LRMDA: variants seen among roughly 807,000 people sequenced by gnomAD.
LRMDA encodes the protein leucine-rich melanocyte differentiation-associated protein.
Under a neutral mutation model 29.8 loss-of-function variants are expected in LRMDA, and 18 were observed. The observed-to-expected ratio is 0.60, with a 90% CI of 0.42 to 0.90. LRMDA has a LOEUF of 0.90. Ranked by LOEUF, LRMDA falls within the 40% of genes least tolerant of loss-of-function variation. The probability of loss-of-function intolerance (pLI) is 0.00; values close to 1 mark genes in which losing one functional copy is unlikely to be tolerated. For synonymous variants in LRMDA, 125 were observed against 109.4 expected, an observed-to-expected ratio of 1.14 and a Z score of -0.89; for missense variants, 273 against 273.9, an observed-to-expected ratio of 1.00 and a Z score of 0.02.
At chr10:76,123,856 G>A (rs1210387036) in intron 5 of LRMDA, among the ~76,000 whole-genome samples, 2 of 152,144 alleles carry the variant, frequency 1.3e-5, no homozygotes, top group South Asian at 2.1e-4. Flanking sequence ...CCATGTTAGG[G>A]GATGCGGCAA....
chr10:76,501,342 C>T (rs1420231278), intron 6 of LRMDA, among the ~76,000 whole-genome samples: 1 of 151,940 alleles, frequency 6.6e-6, no homozygotes, highest in African/African-American at 2.4e-5. Context: ...CATTCAAGTA[C>T]ATGTGTCTTT....
At position 76,161,749 on chromosome 10, in the gene LRMDA, A is replaced by C. The variant is rs532548952; in HGVS notation, c.516+102966A>C. ...TCTTTTAACAGGACAGAGGAGGATG[A>C]AGGGGAACAAGATAGACCTAGATGT... On this transcript the variant is annotated intron_variant, in intron 5 of 6. Transcript: ENST00000611255. Among the ~76,000 whole-genome samples the C allele has an allele frequency of 9.8e-5, 15 of 152,300 alleles. No homozygotes were observed. In the South Asian group the frequency reaches 1.2e-3, roughly 13 times the overall value.
At chr10:76,085,689 G>A (rs1440101027) in intron 5 of LRMDA, among the ~76,000 whole-genome samples, 1 of 152,146 alleles carries the variant, frequency 6.6e-6, no homozygotes, top group Non-Finnish European at 1.5e-5. Flanking sequence ...GTGGGATGTT[G>A]GTCTGCCTGG....
intron 2 of LRMDA, among the ~76,000 whole-genome samples, chr10:75,976,138 C>A (rs949463454): frequency 6.6e-6 from 1 of 152,258 alleles, no homozygotes; most frequent in Non-Finnish European, 1.5e-5. Flanking sequence ...AAGGCCTGGT[C>A]TGGTCTGGTC....
chr10:75,744,632 C>T (rs898504562), intron 2 of LRMDA, among the ~76,000 whole-genome samples: 4 of 152,098 alleles, frequency 2.6e-5, no homozygotes, highest in Non-Finnish European at 4.4e-5. Flanking sequence ...AAGGAGGGGA[C>T]TTATTTAGGG....
At chr10:75,519,912 G>A (rs1845336660) in intron 2 of LRMDA, among the ~76,000 whole-genome samples, 1 of 152,120 alleles carries the variant, frequency 6.6e-6, no homozygotes, top group South Asian at 2.1e-4. Flanking sequence ...TGTCTATTAA[G>A]GATTTTATTT....
In LRMDA at chr10:76,557,533, T is replaced by G; in HGVS notation, c.*245T>G. On this transcript the variant is annotated 3_prime_UTR_variant, in exon 7 of 7. Transcript: ENST00000611255. ...CTTAAGCAGGTCTCATCCACCAGGG[T>G]GACAGACAGCGGTGGCAAAGCAACA... 1 of 552,182 alleles carries G rather than the reference T, an allele frequency of 1.8e-6. No homozygotes were observed. The highest frequency in any genetic ancestry group is 3.2e-6 in the Non-Finnish European group (1 of 309,868). 34.2% of individuals were successfully genotyped at this position (552,182 alleles called of 1,614,324 possible).
At chr10:76,096,959 A>AT (rs528474182) in intron 5 of LRMDA, among the ~76,000 whole-genome samples, 102 of 148,936 alleles carry the variant, frequency 6.8e-4, no homozygotes, top group South Asian at 3.9e-3. Flanking sequence ...GTAAATTGAG[A>AT]TTTTTTTTTT....
rs1025506490 is a variant in LRMDA, at chr10:75,855,577, C to G, written c.132-180431C>G. Among the ~76,000 whole-genome samples, 8 of 152,182 alleles carry G rather than the reference C, an allele frequency of 5.3e-5. No individual in the cohort carries two copies. In the South Asian group the frequency reaches 6.2e-4, roughly 12 times the overall value. ...GAAGCTCTTGAGTTTAATTAGATCC[C>G]ATCTGTCAATTTTGGCTTTTGTTTC... On this transcript the variant is annotated intron_variant, in intron 2 of 6. Coordinates refer to ENST00000611255, the MANE Select transcript of LRMDA (RefSeq NM_001305581.2).
At position 75,690,994 on chromosome 10, in the gene LRMDA, T is replaced by TACACACACACAC. The variant is rs3041682; in HGVS notation, c.131+252524_131+252535dup. On this transcript the variant is annotated intron_variant, in intron 2 of 6. Transcript: ENST00000611255. ...TAAAAAAAAAATATATATATATATA[T>TACACACACACAC]ACACACACACACACACACACACACA... is the stretch of plus-strand genomic sequence containing the variant. Among the ~76,000 whole-genome samples, 70 of 100,050 alleles carry TACACACACACAC rather than the reference T, an allele frequency of 7.0e-4. No individual in the cohort carries two copies. The East Asian group carries it at 0.014, about 20-fold the overall frequency. The allele number at this position is 100,050 out of a possible 152,430, so 65.6% of individuals were successfully genotyped here.
chr10:76,378,335 G>A (rs1841546232), intron 6 of LRMDA, among the ~76,000 whole-genome samples: 1 of 151,964 alleles, frequency 6.6e-6, no homozygotes. Flanking sequence ...AGAAAACAGA[G>A]ATAATTTGAC....
At chr10:76,345,114 T>G in intron 6 of LRMDA, among the ~76,000 whole-genome samples, 1 of 133,822 alleles carries the variant, frequency 7.5e-6, no homozygotes, top group Non-Finnish European at 1.5e-5. Flanking sequence ...TCGCCCAGGC[T>G]GGAGTGCAGT....
intron 2 of LRMDA, among the ~76,000 whole-genome samples, chr10:75,905,978 T>A (rs539250730): frequency 6.6e-6 from 1 of 151,480 alleles, no homozygotes; most frequent in African/African-American, 2.4e-5. Flanking sequence ...TGTTCTCTAG[T>A]CTCTTCCTAA....
intron 2 of LRMDA, among the ~76,000 whole-genome samples, chr10:75,934,669 G>C (rs901305417): frequency 1.3e-5 from 2 of 152,078 alleles, no homozygotes; most frequent in Non-Finnish European, 2.9e-5. Context: ...GGTACCACTC[G>C]GCCAGCAGGA....
chr10:76,539,195 CA>C (rs1843325933), intron 6 of LRMDA, among the ~76,000 whole-genome samples: 1 of 151,914 alleles, frequency 6.6e-6, no homozygotes, highest in South Asian at 2.1e-4. Flanking sequence ...ATAGAAACCC[CA>C]AGGAAGGCAA....
intron 6 of LRMDA, among the ~76,000 whole-genome samples, chr10:76,418,140 G>A (rs948049031): frequency 2.0e-5 from 3 of 152,016 alleles, no homozygotes; most frequent in Non-Finnish European, 4.4e-5. Context: ...AGAATCATAT[G>A]TGTCCTAATA....
At chr10:76,366,964 C>T (rs778687898) in intron 6 of LRMDA, among the ~76,000 whole-genome samples, 5 of 152,040 alleles carry the variant, frequency 3.3e-5, no homozygotes, top group South Asian at 2.1e-4. Flanking sequence ...AATCATAAAG[C>T]GATGCTGGGT....
chr10:76,145,341 G>A (rs945100921), intron 5 of LRMDA, among the ~76,000 whole-genome samples: 7 of 152,146 alleles, frequency 4.6e-5, no homozygotes, highest in Non-Finnish European at 1.0e-4. Flanking sequence ...TGGTTGGTAA[G>A]CTATTGATTA....
chr10:76,357,242 T>A (rs1841252902), intron 6 of LRMDA, among the ~76,000 whole-genome samples: 1 of 152,204 alleles, frequency 6.6e-6, no homozygotes, highest in Non-Finnish European at 1.5e-5. Flanking sequence ...GGAAGCTTTC[T>A]TCTTGAATAG....
Sources: gnomAD v4.1 joint callset for allele counts (sites outside exome capture counted in the v4.1 genomes callset) on GRCh38, gnomAD v4.1.1 for gene constraint, MANE v1.5 for transcripts, NCBI Gene and HGNC (gene_info 2026-07-23, HGNC 2026-07-21) for gene names.